The following INPP4B variants were observed in gnomAD, a reference collection of about 807,000 sequenced individuals.
INPP4B encodes inositol polyphosphate 4-phosphatase type II.
In INPP4B, 55 loss-of-function variants were observed where a neutral mutation model predicts 122.5. That is an observed-to-expected ratio of 0.45 (90% CI 0.36 to 0.56). INPP4B has a LOEUF of 0.56. Ranked by LOEUF, INPP4B falls within the 20% of genes least tolerant of loss-of-function variation. The probability of loss-of-function intolerance (pLI) is 0.00; values close to 1 mark genes in which losing one functional copy is unlikely to be tolerated. For missense variants in INPP4B, 1,000 were observed against 1,097.7 expected (o/e 0.91, Z 1.26); for synonymous variants, 403 against 388.7 (o/e 1.04, Z -0.43).
At chr4:142,574,240 G>A (rs1462820798) in intron 2 of INPP4B, among the ~76,000 whole-genome samples, 1 of 152,060 alleles carries the variant, frequency 6.6e-6, no homozygotes, top group South Asian at 2.1e-4. Context: ...ACTCATGGAG[G>A]GAACTGGTTT....
intron 16 of INPP4B, among the ~76,000 whole-genome samples, chr4:142,167,960 G>A (rs1026021972): frequency 6.7e-6 from 1 of 148,424 alleles, no homozygotes; most frequent in South Asian, 2.1e-4. Flanking sequence ...ATTTTTGAGA[G>A]TTAGCAGGAT....
chr4:142,298,511 C>G (rs1473162841), intron 9 of INPP4B, among the ~76,000 whole-genome samples: 1 of 151,572 alleles, frequency 6.6e-6, no homozygotes, highest in Non-Finnish European at 1.5e-5. Context: ...ATGGTGAAAC[C>G]CTGTCTCTAC....
rs183010109 is a variant in INPP4B at position 142,324,776 on chromosome 4, C to T, written c.373-10014G>A. Among the ~76,000 whole-genome samples, 644 of 152,284 alleles carry T rather than the reference C, an allele frequency of 4.2e-3. 8 individuals are homozygous for T. The highest frequency in any genetic ancestry group is 0.014 in the African/African-American group (596 of 41,556). On this transcript the variant is annotated intron_variant, in intron 7 of 25. Coordinates refer to ENST00000262992, the MANE Select transcript of INPP4B (RefSeq NM_001101669.3). ...CACTGTGAAACTATGGGGACTTTCA[C>T]TTTGCTTTTTGGAAGCCTTTGACCT... is the stretch of plus-strand genomic sequence containing the variant.
At chr4:142,465,037 A>G (rs534417057) in intron 2 of INPP4B, among the ~76,000 whole-genome samples, 1 of 152,340 alleles carries the variant, frequency 6.6e-6, no homozygotes, top group African/African-American at 2.4e-5. Flanking sequence ...AAAGGCCAAC[A>G]TAGTCTCATA....
chr4:142,206,341 A>G (rs925946557), intron 14 of INPP4B, among the ~76,000 whole-genome samples: 6 of 133,720 alleles, frequency 4.5e-5, no homozygotes, highest in African/African-American at 1.6e-4. Flanking sequence ...GGGCCCATCC[A>G]TCTCTCTCTC....
At chr4:142,182,291 A>G (rs1039086388) in intron 15 of INPP4B, among the ~76,000 whole-genome samples, 21 of 152,152 alleles carry the variant, frequency 1.4e-4, no homozygotes, top group African/African-American at 9.6e-5. Context: ...GCTCACGCCT[A>G]TAATCCCAGC....
chr4:142,696,823 C>T (rs1473138830), intron 2 of INPP4B, among the ~76,000 whole-genome samples: 1 of 152,156 alleles, frequency 6.6e-6, no homozygotes, highest in Non-Finnish European at 1.5e-5. Flanking sequence ...TTTATAGTTC[C>T]ATTCTTTTAT....
At chr4:142,682,572 T>C (rs1178010390) in intron 2 of INPP4B, among the ~76,000 whole-genome samples, 1 of 151,940 alleles carries the variant, frequency 6.6e-6, no homozygotes, top group Non-Finnish European at 1.5e-5. Flanking sequence ...AATAACATTT[T>C]ATACCTAAAA....
chr4:142,461,816 C>A (rs1220805031), intron 3 of INPP4B, among the ~76,000 whole-genome samples: 2 of 152,018 alleles, frequency 1.3e-5, no homozygotes. Flanking sequence ...AACACACACA[C>A]ACACACACGT....
intron 12 of INPP4B, among the ~76,000 whole-genome samples, chr4:142,231,067 A>C (rs1250273849): frequency 6.6e-6 from 1 of 152,254 alleles, no homozygotes; most frequent in East Asian, 1.9e-4. Flanking sequence ...AAGGATTTAA[A>C]GTGTATCACA....
chr4:142,454,831 T>C (rs1192606846), intron 3 of INPP4B, among the ~76,000 whole-genome samples: 1 of 152,108 alleles, frequency 6.6e-6, no homozygotes, highest in Non-Finnish European at 1.5e-5. Flanking sequence ...CTAGCCAAGA[T>C]GCATCAGGGC....
chr4:142,352,946 G>T (rs974046656), intron 7 of INPP4B, among the ~76,000 whole-genome samples: 21 of 151,842 alleles, frequency 1.4e-4, no homozygotes, highest in African/African-American at 5.1e-4. Context: ...GAAATATAGG[G>T]TGGTGTTTTT....
At chr4:142,404,194 T>C (rs935697462) in intron 6 of INPP4B, among the ~76,000 whole-genome samples, 2 of 152,222 alleles carry the variant, frequency 1.3e-5, no homozygotes, top group African/African-American at 4.8e-5. Flanking sequence ...AAAGGGCATA[T>C]TCAGGGCTAC....
In INPP4B at chr4:142,336,699, G is replaced by T. The variant is rs145835465; in HGVS notation, c.373-21937C>A. On this transcript the variant is annotated intron_variant, in intron 7 of 25. Transcript: ENST00000262992. ...CCAAGGCGGAAGCCAATTGTAGCAC[G>T]TTGGGCCCAGTCACGGGCTGCAGCA... is the stretch of plus-strand genomic sequence containing the variant. Among the ~76,000 whole-genome samples, 15 of 152,340 alleles carry T rather than the reference G, an allele frequency of 9.8e-5. No homozygotes were observed. The East Asian group carries it at 2.9e-3, about 29-fold the overall frequency.
chr4:142,469,960 A>C (rs1265051033), intron 2 of INPP4B, among the ~76,000 whole-genome samples: 1 of 152,152 alleles, frequency 6.6e-6, no homozygotes, highest in East Asian at 1.9e-4. Context: ...CTATCCTTTT[A>C]GAATAAAATA....
chr4:142,730,045 T>A (rs1010765386), intron 1 of INPP4B, among the ~76,000 whole-genome samples: 4 of 152,092 alleles, frequency 2.6e-5, no homozygotes, highest in African/African-American at 9.7e-5. Flanking sequence ...TCTTTCTAGT[T>A]CTGAGGGGGA....
intron 5 of INPP4B, among the ~76,000 whole-genome samples, chr4:142,417,608 G>A (rs1806038670): frequency 6.6e-6 from 1 of 152,072 alleles, no homozygotes; most frequent in Non-Finnish European, 1.5e-5. Context: ...CACAGATAAG[G>A]AATCAGAGTT....
At chr4:142,299,494 A>G (rs1760418916) in intron 9 of INPP4B, among the ~76,000 whole-genome samples, 1 of 148,992 alleles carries the variant, frequency 6.7e-6, no homozygotes, top group Non-Finnish European at 1.5e-5. Context: ...GTTTTGATGC[A>G]TTGCTTTTAG....
At chr4:142,236,419 C>G (rs972850495) in intron 12 of INPP4B, among the ~76,000 whole-genome samples, 3 of 152,148 alleles carry the variant, frequency 2.0e-5, no homozygotes, top group Non-Finnish European at 4.4e-5. Flanking sequence ...GTTGAAAACC[C>G]ACTTCAGGAT....
Sources: gnomAD v4.1 joint callset for allele counts (sites outside exome capture counted in the v4.1 genomes callset) on GRCh38, gnomAD v4.1.1 for gene constraint, MANE v1.5 for transcripts, NCBI Gene and HGNC (gene_info 2026-07-23, HGNC 2026-07-21) for gene names.